The following CCDC73 variants were observed in gnomAD, a reference collection of about 807,000 sequenced individuals.
CCDC73 encodes coiled-coil domain-containing protein 73.
CCDC73 carries 95 observed loss-of-function variants against 116.5 expected under a neutral mutation model. The ratio of observed to expected loss-of-function variants is 0.82; its 90% CI spans 0.69 to 0.97. The LOEUF (loss-of-function observed/expected upper bound fraction) is 0.97, where lower values mean the gene tolerates loss of function less well. Among genes scored for constraint, CCDC73 ranks in the 50% least tolerant of loss-of-function variants. The pLI is 0.00. For missense variants in CCDC73, 1,066 were observed against 1,206.8 expected, an observed-to-expected ratio of 0.88 and a Z score of 1.73; for synonymous variants, 398 against 401.3, an observed-to-expected ratio of 0.99 and a Z score of 0.10.
chr11:32,645,342 G>A (rs530877185), intron 12 of CCDC73, among the ~76,000 whole-genome samples: 1 of 148,958 alleles, frequency 6.7e-6, no homozygotes, highest in East Asian at 2.0e-4. Context: ...CCCAGGCTGG[G>A]CTGCAATGGC....
chr11:32,745,427 G>A (rs943960131), intron 2 of CCDC73, among the ~76,000 whole-genome samples: 1 of 152,146 alleles, frequency 6.6e-6, no homozygotes, highest in Non-Finnish European at 1.5e-5. Flanking sequence ...GGTCTGCTTG[G>A]TGCAGAGCTG....
chr11:32,625,103 C>A (rs1020682047), intron 14 of CCDC73, among the ~76,000 whole-genome samples: 1 of 152,114 alleles, frequency 6.6e-6, no homozygotes, highest in Non-Finnish European at 1.5e-5. Flanking sequence ...GATTGCAACC[C>A]CTGCCTTTTT....
intron 5 of CCDC73, among the ~76,000 whole-genome samples, chr11:32,700,088 A>T (rs1849799203): frequency 6.6e-6 from 1 of 151,712 alleles, no homozygotes; most frequent in Non-Finnish European, 1.5e-5. Flanking sequence ...AGAGCATCCT[A>T]CCTGAGAACT....
intron 6 of CCDC73, among the ~76,000 whole-genome samples, chr11:32,692,049 CAAA>C (rs1173539877): frequency 1.6e-5 from 1 of 60,744 alleles, no homozygotes. Flanking sequence ...CTCCGTCTCA[CAAA>C]AAAAAAAAAA....
At chr11:32,732,499 T>C (rs1210568983) in intron 2 of CCDC73, among the ~76,000 whole-genome samples, 1 of 151,740 alleles carries the variant, frequency 6.6e-6, no homozygotes, top group Non-Finnish European at 1.5e-5. Flanking sequence ...AAGGAAAAAA[T>C]GTTAAGGGCA....
chr11:32,781,300 G>C (rs1015231785), intron 1 of CCDC73, among the ~76,000 whole-genome samples: 1 of 152,166 alleles, frequency 6.6e-6, no homozygotes, highest in Non-Finnish European at 1.5e-5. Flanking sequence ...GTGATTTAAG[G>C]CATAAGCCTT....
intron 14 of CCDC73, among the ~76,000 whole-genome samples, chr11:32,623,066 T>C (rs180747276): frequency 6.8e-4 from 104 of 152,290 alleles, no homozygotes; most frequent in African/African-American, 2.3e-3. Flanking sequence ...TGGAGTGCAG[T>C]GGTGTGATCT....
chr11:32,652,963 A>G (rs1462993399), intron 12 of CCDC73, among the ~76,000 whole-genome samples, 160 bp downstream of exon 12: 1 of 152,202 alleles, frequency 6.6e-6, no homozygotes, highest in Non-Finnish European at 1.5e-5. Context: ...TCATTACTTT[A>G]GACACTGAAA....
the CCDC73 span, among the ~76,000 whole-genome samples, chr11:32,811,077 C>CAAAAA: frequency 1.4e-5 from 2 of 144,996 alleles, no homozygotes; most frequent in African/African-American, 2.5e-5. Context: ...ACAACAACAA[C>CAAAAA]AAAAAAAAAA....
chr11:32,607,080 A>ATTTTTTT (rs759164050), intron 17 of CCDC73, among the ~76,000 whole-genome samples: 2 of 74,164 alleles, frequency 2.7e-5, no homozygotes, highest in East Asian at 4.3e-4. Flanking sequence ...CCAAAAATAA[A>ATTTTTTT]TTTTTTTTTT....
chr11:32,668,714 C>G (rs1856009943), intron 9 of CCDC73, among the ~76,000 whole-genome samples: 1 of 152,174 alleles, frequency 6.6e-6, no homozygotes, highest in Admixed American at 6.5e-5. Context: ...GTAACAACCA[C>G]AGCCCTTTAC....
intron 9 of CCDC73, among the ~76,000 whole-genome samples, chr11:32,671,341 G>C (rs886766427): frequency 2.1e-5 from 3 of 143,818 alleles, no homozygotes; most frequent in Non-Finnish European, 4.5e-5. Flanking sequence ...TCAGCATTCA[G>C]AATGGTAATA....
intron 2 of CCDC73, among the ~76,000 whole-genome samples, chr11:32,748,865 AAT>A (rs1850263271): frequency 6.6e-6 from 1 of 152,106 alleles, no homozygotes; most frequent in Non-Finnish European, 1.5e-5. Flanking sequence ...CAGCACCATA[AAT>A]ATGTCCTGGC....
chr11:32,828,624 C>T, the CCDC73 span, among the ~76,000 whole-genome samples: 7 of 152,108 alleles, frequency 4.6e-5, no homozygotes, highest in African/African-American at 1.2e-4. Flanking sequence ...TAAGCACGTT[C>T]TTTGGATAAA....
chr11:32,629,556 C>T (rs1333265830), intron 14 of CCDC73, among the ~76,000 whole-genome samples: 8 of 152,078 alleles, frequency 5.3e-5, no homozygotes, highest in Middle Eastern at 3.4e-3. Context: ...TGCGCCACCA[C>T]GCCCGGCGAA....
Position 32,702,948 on chromosome 11 carries a change from T to C in CCDC73, c.208-4A>G. ...CCTTTTGATTCTGAAGAGTTTCCTG[T>C]TTTAAAAATTATGACAAGTTAAAAC... On this transcript the variant is annotated splice_polypyrimidine_tract_variant and splice_region_variant and intron_variant, in intron 3 of 17. Transcript: ENST00000335185. 6.2e-7 allele frequency: 1 copy of C among 1,604,950 alleles called. No homozygotes were observed.
intron 9 of CCDC73, among the ~76,000 whole-genome samples, chr11:32,660,474 A>G (rs898933778): frequency 6.6e-6 from 1 of 151,902 alleles, no homozygotes; most frequent in Admixed American, 6.6e-5. Flanking sequence ...TTATAATTTT[A>G]TATTTATTAT....
chr11:32,657,906 T>C (rs1855888352), intron 9 of CCDC73, among the ~76,000 whole-genome samples: 1 of 151,924 alleles, frequency 6.6e-6, no homozygotes, highest in African/African-American at 2.4e-5. Flanking sequence ...AAGCTGAAGC[T>C]GGAGGATCAC....
chr11:32,637,007 TTTTC>T (rs1456333423), intron 13 of CCDC73, among the ~76,000 whole-genome samples: 4 of 108,282 alleles, frequency 3.7e-5, no homozygotes, highest in East Asian at 2.0e-4. Context: ...CTGTTTCACT[TTTTC>T]TTTTTCTTTT....
Sources: allele counts gnomAD v4.1 joint callset (sites outside exome capture counted in the v4.1 genomes callset), GRCh38; gene constraint gnomAD v4.1.1; transcripts MANE v1.5; gene names NCBI Gene and HGNC (gene_info 2026-07-23, HGNC 2026-07-21).